Variants in RIMS1 observed in about 807,000 individuals in gnomAD.
The protein encoded by RIMS1 is regulating synaptic membrane exocytosis 1.
A neutral mutation model predicts 214.1 loss-of-function variants in RIMS1; 83 were observed. That is an observed-to-expected ratio of 0.39 (90% CI 0.32 to 0.47). RIMS1 has a LOEUF of 0.47. RIMS1 is among the 20% of genes least tolerant of loss of function. RIMS1 has a pLI of 0.99. For synonymous variants in RIMS1, 793 were observed against 786.8 expected (o/e 1.01, Z -0.13); for missense variants, 2,050 against 2,161.8 (o/e 0.95, Z 1.03).
chr6:71,903,645 A>G (rs1316855792), intron 1 of RIMS1, among the ~76,000 whole-genome samples: 1 of 152,132 alleles, frequency 6.6e-6, no homozygotes, highest in Non-Finnish European at 1.5e-5. Flanking sequence ...AGGAATGTAA[A>G]CAAATTTACG....
chr6:72,057,516 T>C (rs1414457308), intron 2 of RIMS1, among the ~76,000 whole-genome samples: 4 of 149,542 alleles, frequency 2.7e-5, no homozygotes, highest in Non-Finnish European at 5.9e-5. Context: ...TTTTTTTTTT[T>C]TCTTTTTTTG....
At chr6:71,944,157 G>T (rs994901094) in intron 1 of RIMS1, among the ~76,000 whole-genome samples, 3 of 152,076 alleles carry the variant, frequency 2.0e-5, no homozygotes, top group Non-Finnish European at 2.9e-5. Flanking sequence ...GATGAATTAG[G>T]TATTATTTTC....
chr6:72,318,875 A>G (rs1276896699), intron 28 of RIMS1, among the ~76,000 whole-genome samples: 1 of 152,068 alleles, frequency 6.6e-6, no homozygotes, highest in African/African-American at 2.4e-5. Flanking sequence ...CTTTCTTGTG[A>G]CCTCAAGTTG....
intron 2 of RIMS1, among the ~76,000 whole-genome samples, chr6:72,028,777 A>G (rs1275841871): frequency 6.6e-6 from 1 of 152,156 alleles, no homozygotes; most frequent in East Asian, 1.9e-4. Context: ...CCAAACATAC[A>G]GACTCTTAAA....
intron 4 of RIMS1, among the ~76,000 whole-genome samples, chr6:72,138,837 T>C (rs2041718589): frequency 6.6e-6 from 1 of 152,206 alleles, no homozygotes; most frequent in Non-Finnish European, 1.5e-5. Flanking sequence ...AAGTGGTCAC[T>C]ATCTTATGTT....
chr6:71,962,084 A>G (rs1233206843), intron 1 of RIMS1, among the ~76,000 whole-genome samples: 1 of 152,170 alleles, frequency 6.6e-6, no homozygotes, highest in African/African-American at 2.4e-5. Flanking sequence ...TGGAGACAAT[A>G]TGAGAAACTT....
At chr6:71,975,318 C>T (rs548341730) in intron 2 of RIMS1, among the ~76,000 whole-genome samples, 14 of 152,248 alleles carry the variant, frequency 9.2e-5, no homozygotes, top group Admixed American at 6.5e-4. Context: ...ACTAAAACTC[C>T]CATGTCCTGA....
At chr6:72,307,455 A>T in intron 27 of RIMS1, 85 bp downstream of exon 27, 2 of 843,552 alleles carry the variant, frequency 2.4e-6, no homozygotes, top group East Asian at 5.5e-5. Flanking sequence ...GCACCGAATT[A>T]TATAAGAGAA....
intron 6 of RIMS1, among the ~76,000 whole-genome samples, chr6:72,220,103 T>C (rs562579922): frequency 1.3e-5 from 2 of 152,202 alleles, no homozygotes; most frequent in East Asian, 3.9e-4. Context: ...TCTCTGAGTA[T>C]GGTTTTTTGA....
At position 72,292,030 on chromosome 6, in the gene RIMS1, C is replaced by G. The variant is rs192801038; in HGVS notation, c.3834C>G (p.Ser1278Arg). The G allele has an allele frequency of 6.4e-7, 1 of 1,554,764 alleles. No homozygotes were observed. The highest frequency in any genetic ancestry group is 1.2e-5 in the South Asian group (1 of 84,182). The part of the protein sequence containing the change: ...GRQLPQVPVR[S>R]GSIEQASLVV... ...AGCTCCCACAAGTGCCAGTGAGAAG[C>G]GGCAGTATAGAACAAGGTATCCGAT... Residue 1278 changes from serine (S) to arginine (R), a missense_variant, in exon 26 of 34, where the codon AGC (serine) becomes AGG (arginine). Coordinates refer to ENST00000521978, the MANE Select transcript of RIMS1 (RefSeq NM_014989.7).
At chr6:71,912,508 T>G (rs1406954052) in intron 1 of RIMS1, among the ~76,000 whole-genome samples, 1 of 152,164 alleles carries the variant, frequency 6.6e-6, no homozygotes, top group Non-Finnish European at 1.5e-5. Flanking sequence ...AGCCTGAGTG[T>G]CTTTAATGAC....
intron 23 of RIMS1, among the ~76,000 whole-genome samples, chr6:72,274,805 T>G (rs58407956): frequency 0.05 from 7,684 of 152,172 alleles, 413 homozygotes; most frequent in African/African-American, 0.14. Context: ...GTTATATTGG[T>G]TGATGGTTTT....
At chr6:71,908,622 G>A (rs1775982522) in intron 1 of RIMS1, among the ~76,000 whole-genome samples, 1 of 152,224 alleles carries the variant, frequency 6.6e-6, no homozygotes, top group South Asian at 2.1e-4. Flanking sequence ...CAGACAAAAC[G>A]GTAACCCTGG....
intron 1 of RIMS1, among the ~76,000 whole-genome samples, chr6:71,921,022 G>A (rs1779802709): frequency 6.6e-6 from 1 of 152,168 alleles, no homozygotes; most frequent in Non-Finnish European, 1.5e-5. Flanking sequence ...AGAAGTCCTG[G>A]ATAGGAGGAC....
chr6:72,004,740 G>C (rs1247803339), intron 2 of RIMS1, among the ~76,000 whole-genome samples: 8 of 151,744 alleles, frequency 5.3e-5, no homozygotes, highest in Admixed American at 5.2e-4. Flanking sequence ...TTGTAAATTT[G>C]TTTGAGTTCT....
At position 72,327,075 on chromosome 6, in the gene RIMS1, C is replaced by CA. The variant is rs1182485376; in HGVS notation, c.4131-6524dup. Among the ~76,000 whole-genome samples, 3 of 151,614 alleles carry CA rather than the reference C, an allele frequency of 2.0e-5. No individual in the cohort carries two copies. The South Asian group carries it at 6.2e-4, about 31-fold the overall frequency. ...TCCAGATGAAACATAGCCCAGCTGA[C>CA]ACCTTGATTTTAGGGCTTCTGACCT... On this transcript the variant is annotated intron_variant, in intron 28 of 33. Transcript: ENST00000521978.
chr6:72,218,106 G>GCT (rs2056983290), intron 6 of RIMS1, among the ~76,000 whole-genome samples: 3 of 13,184 alleles, frequency 2.3e-4, no homozygotes, highest in African/African-American at 5.1e-4. Flanking sequence ...CGGTTTTTTT[G>GCT]CTTTTTTTTT....
At position 72,108,899 on chromosome 6, in the gene RIMS1, G is replaced by T. The variant is rs926581291; in HGVS notation, c.471+8913G>T. Among the ~76,000 whole-genome samples the T allele has an allele frequency of 2.3e-5, 3 of 130,296 alleles. No individual in the cohort carries two copies. The South Asian group carries it at 7.1e-4, about 31-fold the overall frequency. The allele number at this position is 130,296 out of a possible 152,430, so 85.5% of individuals were successfully genotyped here. A position where few individuals can be genotyped will look rare whatever the true frequency, so the allele number is the denominator to read the frequency against. On this transcript the variant is annotated intron_variant, in intron 4 of 33. Coordinates refer to ENST00000521978, the MANE Select transcript of RIMS1 (RefSeq NM_014989.7). ...TAGAGTGTGATGTTCCCCTTCCTGT[G>T]TCCATGTGTTCTCATTGTTCAGTTC...
intron 23 of RIMS1, among the ~76,000 whole-genome samples, chr6:72,282,042 G>T (rs1383471123): frequency 1.3e-5 from 2 of 151,846 alleles, no homozygotes; most frequent in African/African-American, 2.4e-5. Flanking sequence ...TTGGATGAAT[G>T]AATGAATGAG....
Sources: gnomAD v4.1 joint callset for allele counts (sites outside exome capture counted in the v4.1 genomes callset) on GRCh38, gnomAD v4.1.1 for gene constraint, MANE v1.5 for transcripts, NCBI Gene and HGNC (gene_info 2026-07-23, HGNC 2026-07-21) for gene names.